KIAA1328: variants seen among roughly 807,000 people sequenced by gnomAD.
KIAA1328 encodes protein hinderin.
In KIAA1328, 52 loss-of-function variants were observed where a neutral mutation model predicts 68.1. That is an observed-to-expected ratio of 0.76 (90% CI 0.61 to 0.96). The LOEUF (loss-of-function observed/expected upper bound fraction) is 0.96, where lower values mean the gene tolerates loss of function less well. KIAA1328 is among the 40% of genes least tolerant of loss of function. KIAA1328 has a pLI of 0.00. For missense variants in KIAA1328, 641 were observed against 677.6 expected (o/e 0.95, Z 0.60); for synonymous variants, 232 against 239.4 (o/e 0.97, Z 0.28).
At chr18:37,036,757 A>G (rs1455160975) in intron 6 of KIAA1328, among the ~76,000 whole-genome samples, 2 of 152,204 alleles carry the variant, frequency 1.3e-5, no homozygotes, top group African/African-American at 2.4e-5. Context: ...ACACACACAC[A>G]TACACACCTG....
At chr18:37,180,581 G>A (rs2059680377) in intron 9 of KIAA1328, among the ~76,000 whole-genome samples, 1 of 151,786 alleles carries the variant, frequency 6.6e-6, no homozygotes, top group Non-Finnish European at 1.5e-5. Context: ...ATGCATAGCA[G>A]TCAGATTGCA....
chr18:36,908,916 TC>T (rs1290581079), intron 5 of KIAA1328, among the ~76,000 whole-genome samples: 2 of 152,186 alleles, frequency 1.3e-5, no homozygotes, highest in Non-Finnish European at 2.9e-5. Context: ...ATCCCTGTTT[TC>T]AAAGCCAAAT....
intron 6 of KIAA1328, among the ~76,000 whole-genome samples, chr18:37,051,052 T>G (rs1426337298): frequency 6.6e-6 from 1 of 152,168 alleles, no homozygotes. Context: ...ACTAATAGTA[T>G]TAGAATTATA....
chr18:36,989,071 G>A (rs563214198), intron 6 of KIAA1328, among the ~76,000 whole-genome samples: 23 of 152,080 alleles, frequency 1.5e-4, no homozygotes, highest in Admixed American at 9.8e-4. Flanking sequence ...GGTGAAAACC[G>A]AGAATATTGC....
intron 7 of KIAA1328, among the ~76,000 whole-genome samples, chr18:37,100,194 A>C (rs1484035553): frequency 6.6e-6 from 1 of 152,192 alleles, no homozygotes; most frequent in East Asian, 1.9e-4. Context: ...GGTGCAGTGC[A>C]CCAAGTGTGA....
chr18:36,835,576 T>C (rs1198723369), intron 3 of KIAA1328, among the ~76,000 whole-genome samples, 200 bp downstream of exon 3: 3 of 152,222 alleles, frequency 2.0e-5, no homozygotes, highest in African/African-American at 7.2e-5. Flanking sequence ...CTCCAAAACA[T>C]CTGACTTGCT....
chr18:37,160,989 C>A (rs1172456642), intron 8 of KIAA1328, among the ~76,000 whole-genome samples: 1 of 152,142 alleles, frequency 6.6e-6, no homozygotes, highest in East Asian at 1.9e-4. Flanking sequence ...TTGGCTTAAT[C>A]TTTCCTGGCA....
In KIAA1328 at chr18:37,155,124, G is replaced by A. The variant is rs79170367; in HGVS notation, c.1233-5076G>A. 5.9e-3 allele frequency among the ~76,000 whole-genome samples: 897 copies of A among 151,884 alleles called. 11 individuals are homozygous for A. The highest frequency in any genetic ancestry group is 0.02 in the African/African-American group (828 of 41,396). On this transcript the variant is annotated intron_variant, in intron 7 of 9. Transcript: ENST00000280020. The stretch of plus-strand genomic sequence containing the variant: ...ATCTTTTTCTTTTCATTTCTATTTC[G>A]AATTCCCTCAATACATACTCCAAAC...
intron 4 of KIAA1328, among the ~76,000 whole-genome samples, chr18:36,868,172 G>T (rs1357767471): frequency 1.3e-5 from 2 of 152,090 alleles, no homozygotes; most frequent in African/African-American, 4.8e-5. Context: ...AGAAATTAGG[G>T]GTATAGTGAA....
At chr18:36,893,926 A>G (rs1224995052) in intron 5 of KIAA1328, among the ~76,000 whole-genome samples, 1 of 152,192 alleles carries the variant, frequency 6.6e-6, no homozygotes, top group Non-Finnish European at 1.5e-5. Flanking sequence ...TTATCCTATT[A>G]GAAGTATTAG....
intron 4 of KIAA1328, among the ~76,000 whole-genome samples, chr18:36,876,142 C>G (rs1271423355): frequency 1.3e-5 from 2 of 152,046 alleles, no homozygotes; most frequent in African/African-American, 4.8e-5. Flanking sequence ...TTTGTTGCGT[C>G]TCTGCCAGGT....
chr18:37,099,328 G>A (rs1217458477), intron 7 of KIAA1328, among the ~76,000 whole-genome samples: 2 of 151,998 alleles, frequency 1.3e-5, no homozygotes, highest in Non-Finnish European at 1.5e-5. Flanking sequence ...TCATTTTGTT[G>A]TGTACCCAGT....
chr18:37,154,056 T>G (rs1484456514), intron 7 of KIAA1328, among the ~76,000 whole-genome samples: 1 of 152,094 alleles, frequency 6.6e-6, no homozygotes, highest in African/African-American at 2.4e-5. Flanking sequence ...GGAAATGCAC[T>G]CTTTTCATCT....
chr18:37,009,047 G>A (rs535039477), intron 6 of KIAA1328, among the ~76,000 whole-genome samples: 1 of 152,248 alleles, frequency 6.6e-6, no homozygotes, highest in East Asian at 1.9e-4. Context: ...GTGTCCTCTT[G>A]AAAAGTTCTT....
intron 7 of KIAA1328, among the ~76,000 whole-genome samples, chr18:37,098,972 T>C (rs2057508654): frequency 6.6e-6 from 1 of 152,196 alleles, no homozygotes; most frequent in African/African-American, 2.4e-5. Context: ...TCTTTTCTTC[T>C]TTATTAGTCT....
chr18:37,171,579 A>T (rs2154213562), intron 8 of KIAA1328, among the ~76,000 whole-genome samples: 1 of 152,188 alleles, frequency 6.6e-6, no homozygotes, highest in Non-Finnish European at 1.5e-5. Flanking sequence ...TTCCCTCCCC[A>T]TAAACTAAGC....
At chr18:36,942,494 C>T (rs575960475) in intron 5 of KIAA1328, among the ~76,000 whole-genome samples, 3 of 152,264 alleles carry the variant, frequency 2.0e-5, no homozygotes, top group South Asian at 2.1e-4. Context: ...GCACCACTGA[C>T]GAGTGCTTTT....
intron 5 of KIAA1328, among the ~76,000 whole-genome samples, chr18:36,915,536 G>A (rs749291234): frequency 2.0e-5 from 3 of 152,184 alleles, no homozygotes; most frequent in South Asian, 4.1e-4. Context: ...ACTTCACCAA[G>A]GACAGCATAG....
At chr18:37,099,904 C>A (rs1011886715) in intron 7 of KIAA1328, among the ~76,000 whole-genome samples, 1 of 152,068 alleles carries the variant, frequency 6.6e-6, no homozygotes, top group African/African-American at 2.4e-5. Flanking sequence ...CAACCCCTGC[C>A]TTTTTTTGTT....
Sources: gnomAD v4.1 joint callset for allele counts (sites outside exome capture counted in the v4.1 genomes callset) on GRCh38, gnomAD v4.1.1 for gene constraint, MANE v1.5 for transcripts, NCBI Gene and HGNC (gene_info 2026-07-23, HGNC 2026-07-21) for gene names.